ERAP1: variants seen among roughly 807,000 people sequenced by gnomAD.
ERAP1 encodes endoplasmic reticulum aminopeptidase 1, also known as adipocyte-derived leucine aminopeptidase.
Under a neutral mutation model 103.7 loss-of-function variants are expected in ERAP1, and 86 were observed. That is an observed-to-expected ratio of 0.83 (90% CI 0.70 to 0.99). The LOEUF is 0.99. Among genes scored for constraint, ERAP1 ranks in the 50% least tolerant of loss-of-function variants. The probability of loss-of-function intolerance (pLI) is 0.00; values close to 1 mark genes in which losing one functional copy is unlikely to be tolerated. For synonymous variants in ERAP1, 398 were observed against 402.4 expected (o/e 0.99, Z 0.13); for missense variants, 1,009 against 1,128.4 (o/e 0.89, Z 1.52).
chr5:96,883,497 G>A, the ERAP1 span, among the ~76,000 whole-genome samples: 11 of 152,148 alleles, frequency 7.2e-5, no homozygotes, highest in East Asian at 1.9e-4. Flanking sequence ...TACTGGCTGC[G>A]GATCCTGCTA....
At chr5:96,839,084 T>C in the ERAP1 span, among the ~76,000 whole-genome samples, 2 of 152,164 alleles carry the variant, frequency 1.3e-5, no homozygotes, top group South Asian at 2.1e-4. Flanking sequence ...AGTTTTGTTA[T>C]AAAGAATAAA....
At chr5:96,916,562 C>G in the ERAP1 span, among the ~76,000 whole-genome samples, 1 of 146,888 alleles carries the variant, frequency 6.8e-6, no homozygotes, top group Non-Finnish European at 1.5e-5. Context: ...CTCCCAGGTT[C>G]ACGCCATTCT....
At chr5:96,797,888 C>T (rs1777521153) in intron 3 of ERAP1, among the ~76,000 whole-genome samples, 1 of 152,066 alleles carries the variant, frequency 6.6e-6, no homozygotes, top group African/African-American at 2.4e-5. Flanking sequence ...GTGAGTTTTG[C>T]CAAGATGTGG....
intron 8 of ERAP1, among the ~76,000 whole-genome samples, chr5:96,791,745 G>A (rs1462442448): frequency 6.6e-6 from 1 of 152,136 alleles, no homozygotes; most frequent in African/African-American, 2.4e-5. Flanking sequence ...GCTACACGAG[G>A]GCAGGAATTT....
At chr5:96,766,844 A>T (rs779184731) in intron 19 of ERAP1, among the ~76,000 whole-genome samples, 6 of 149,934 alleles carry the variant, frequency 4.0e-5, no homozygotes, top group Non-Finnish European at 5.9e-5. Context: ...TTCTGTACTG[A>T]TTCATTTTGG....
the ERAP1 span, among the ~76,000 whole-genome samples, chr5:96,858,847 A>G: frequency 3.3e-5 from 5 of 152,186 alleles, no homozygotes; most frequent in Admixed American, 1.3e-4. Context: ...AGAAAAAGGA[A>G]GAGGAACAGT....
At chr5:96,822,363 TAAG>T in the ERAP1 span, among the ~76,000 whole-genome samples, 2 of 152,236 alleles carry the variant, frequency 1.3e-5, no homozygotes, top group Admixed American at 6.5e-5. Flanking sequence ...GCAAGAGATT[TAAG>T]AAGAAGGGCA....
At chr5:96,907,621 C>G in the ERAP1 span, among the ~76,000 whole-genome samples, 1 of 151,020 alleles carries the variant, frequency 6.6e-6, no homozygotes, top group African/African-American at 2.4e-5. Flanking sequence ...GTGGCTCATG[C>G]CTGTAATCCC....
chr5:96,848,309 C>G, the ERAP1 span, among the ~76,000 whole-genome samples: 1 of 152,254 alleles, frequency 6.6e-6, no homozygotes, highest in South Asian at 2.1e-4. Context: ...CCTCAGCCTC[C>G]CAAAGTACTG....
the ERAP1 span, chr5:96,886,858 T>C: frequency 4.0e-6 from 5 of 1,265,632 alleles, no homozygotes; most frequent in Admixed American, 6.0e-5. Flanking sequence ...TTTTGTTTTC[T>C]CATGTTTTTC....
the ERAP1 span, among the ~76,000 whole-genome samples, chr5:96,875,266 G>A: frequency 1.3e-5 from 2 of 152,152 alleles, no homozygotes; most frequent in African/African-American, 4.8e-5. Flanking sequence ...CAGTTGCGGT[G>A]TCTCATGCCT....
At chr5:96,796,054 T>C (rs1777313001) in intron 4 of ERAP1, among the ~76,000 whole-genome samples, 1 of 152,230 alleles carries the variant, frequency 6.6e-6, no homozygotes, top group Admixed American at 6.5e-5. Context: ...TTTTTGCTGA[T>C]AGTTTCACTG....
chr5:96,814,300 T>A, the ERAP1 span: 3 of 456,174 alleles, frequency 6.6e-6, no homozygotes, highest in Non-Finnish European at 1.3e-5. Flanking sequence ...AAGTCACAGG[T>A]TTCTCTCACA....
chr5:96,869,722 A>AC, the ERAP1 span, among the ~76,000 whole-genome samples: 1 of 152,226 alleles, frequency 6.6e-6, no homozygotes, highest in Non-Finnish European at 1.5e-5. Flanking sequence ...CAATAATCTG[A>AC]CCATGAAGAC....
upstream of ERAP1, chr5:96,808,209 T>TGTGTGTGTGTGTGTGC (rs1778898973): frequency 6.9e-5 from 13 of 188,468 alleles, no homozygotes; most frequent in Middle Eastern, 3.0e-3. Flanking sequence ...TGTGTGTGTG[T>TGTGTGTGTGTGTGTGC]GTGTGTGTGT....
chr5:96,909,173 G>C, the ERAP1 span: 1 of 1,556,180 alleles, frequency 6.4e-7, no homozygotes, highest in Non-Finnish European at 8.8e-7. Flanking sequence ...TGGAGTATCA[G>C]TCAGGCTCAG....
the ERAP1 span, among the ~76,000 whole-genome samples, chr5:96,850,830 A>G: frequency 6.6e-6 from 1 of 152,228 alleles, no homozygotes; most frequent in East Asian, 1.9e-4. Flanking sequence ...TGTACACAGA[A>G]TAGTTGAGAG....
At chr5:96,908,977 C>A in the ERAP1 span, 1 of 1,614,094 alleles carries the variant, frequency 6.2e-7, no homozygotes, top group Non-Finnish European at 8.5e-7. Context: ...GAGACTGACC[C>A]TAGACAAAGC....
chr5:96,907,169 G>GT, the ERAP1 span, among the ~76,000 whole-genome samples: 13 of 152,142 alleles, frequency 8.5e-5, no homozygotes, highest in South Asian at 4.1e-4. Context: ...TAAGGTTTAT[G>GT]TTTATATATG....
Sources: gnomAD v4.1 joint callset for allele counts (sites outside exome capture counted in the v4.1 genomes callset) on GRCh38, gnomAD v4.1.1 for gene constraint, MANE v1.5 for transcripts, NCBI Gene and HGNC (gene_info 2026-07-23, HGNC 2026-07-21) for gene names.